Variants in MFGE8 observed in about 807,000 individuals in gnomAD.
The protein encoded by MFGE8 is lactadherin.
A neutral mutation model predicts 42.6 loss-of-function variants in MFGE8; 34 were observed. That is an observed-to-expected ratio of 0.80 (90% CI 0.61 to 1.06). The LOEUF is 1.06. Among genes scored for constraint, MFGE8 ranks in the 50% least tolerant of loss-of-function variants. The pLI, the probability that MFGE8 is intolerant of heterozygous loss-of-function variation, is 0.00. For missense variants in MFGE8, 510 were observed against 516.9 expected, an observed-to-expected ratio of 0.99 and a Z score of 0.13; for synonymous variants, 230 against 214.8, an observed-to-expected ratio of 1.07 and a Z score of -0.62.
chr15:88,913,182 C>T (rs1297316286), intron 1 of MFGE8, 65 bp downstream of exon 1: 4 of 1,472,210 alleles, frequency 2.7e-6, no homozygotes, highest in Non-Finnish European at 2.7e-6. Context: ...GGGCGGGCGC[C>T]GGGCAAACTT....
chr15:88,910,027 C>T (rs1898886259), intron 1 of MFGE8, 104 bp from the exon 2 acceptor site: 1 of 1,434,858 alleles, frequency 7.0e-7, no homozygotes, highest in Non-Finnish European at 9.8e-7. Context: ...TCCACTCAAA[C>T]TCGCCCATTA....
chr15:88,908,061 C>T (rs936035970), intron 2 of MFGE8, among the ~76,000 whole-genome samples: 3 of 152,170 alleles, frequency 2.0e-5, no homozygotes, highest in Non-Finnish European at 2.9e-5. Context: ...TGGGCCCTCA[C>T]CCAGCCATCT....
Position 88,907,321 on chromosome 15 carries a change from G to A in MFGE8, c.261C>T (p.Ala87=), listed in dbSNP as rs777632087. The A allele has an allele frequency of 2.8e-5, 46 of 1,614,060 alleles. No homozygotes were observed. The highest frequency in any genetic ancestry group is 2.5e-4 in the East Asian group (11 of 44,884). Residue 87 remains alanine, a synonymous_variant, in exon 3 of 8, where the codon GCC becomes GCT. Transcript: ENST00000268150. ...ENGNIANSQI[A]ASSVRVTFLG... ...AGAAGGTCACACGCACAGACGAGGC[G>A]GCGATCTGTGAGTTGGCAATGTTCC...
Position 88,909,661 on chromosome 15 carries a change from G to T in MFGE8, c.205+131C>A, listed in dbSNP as rs1037259343. 86 of 1,331,392 alleles carry T rather than the reference G, an allele frequency of 6.5e-5. No individual in the cohort carries two copies. In the South Asian group the frequency reaches 9.9e-4, roughly 15 times the overall value. 82.5% of individuals were successfully genotyped at this position (1,331,392 alleles called of 1,614,324 possible). ...GTCTCTCTCTCTGAGTCTCCCCAGA[G>T]GAGGCCTTGACACCTCCACTGGGGT... On this transcript the variant is annotated intron_variant, in intron 2 of 7. Coordinates refer to ENST00000268150, the MANE Select transcript of MFGE8 (RefSeq NM_005928.4).
intron 1 of MFGE8, chr15:88,912,076 A>C: frequency 1.6e-6 from 2 of 1,277,890 alleles, no homozygotes; most frequent in South Asian, 2.5e-5. Flanking sequence ...AAAACGGTCC[A>C]GTGGGAAAAA....
intron 2 of MFGE8, among the ~76,000 whole-genome samples, chr15:88,909,497 G>A (rs539564875): frequency 3.9e-4 from 60 of 152,328 alleles, no homozygotes; most frequent in African/African-American, 1.2e-3. Context: ...CAGCACTCCC[G>A]TGACCTCCAG....
rs1311084408 is a variant in MFGE8 at position 88,912,245 on chromosome 15, G to A, written c.73+1002C>T. On this transcript the variant is annotated intron_variant, in intron 1 of 7. Transcript: ENST00000268150. ...GGGACTTTCCAGTAACATTTGGCCAGAGTTCAGGTTGGGGGGTACAGGGAA... is the reference window on the plus strand; with the variant it reads ...GGGACTTTCCAGTAACATTTGGCCAAAGTTCAGGTTGGGGGGTACAGGGAA... The A allele has an allele frequency of 3.1e-6, 4 of 1,289,640 alleles. No individual in the cohort carries two copies. In the African/African-American group the frequency reaches 6.1e-5, roughly 20 times the overall value. 79.9% of individuals were successfully genotyped at this position (1,289,640 alleles called of 1,614,324 possible). A position where few individuals can be genotyped will look rare whatever the true frequency, so the allele number is the denominator to read the frequency against.
At chr15:88,900,733 G>A (rs934712256) in intron 6 of MFGE8, 2 of 985,410 alleles carry the variant, frequency 2.0e-6, no homozygotes, top group East Asian at 1.1e-4. Flanking sequence ...AACAAGCTCC[G>A]GTTTTCCATG....
chr15:88,913,066 G>T (rs1899041094), intron 1 of MFGE8, 181 bp downstream of exon 1: 4 of 985,222 alleles, frequency 4.1e-6, no homozygotes, highest in South Asian at 9.4e-5. Context: ...CGCAGAGACA[G>T]CAGGGCCGCA....
rs756349196 is a variant in MFGE8, at chr15:88,901,731, G to A, written c.690C>T (p.Cys230=). The stretch of plus-strand genomic sequence containing the variant: ...TATTCTTCAGGCCCAGGGGATTGGC[G>A]CATCCTGCCAGCAAGGTGGGCTGTC... ...FELLGCELNG[C]ANPLGLKNNS... is the part of the protein sequence containing the mutation. Residue 230 remains cysteine, a synonymous_variant, in exon 6 of 8, where the codon TGC becomes TGT. Transcript: ENST00000268150. 173 of 1,613,762 alleles carry A rather than the reference G, an allele frequency of 1.1e-4. No individual in the cohort carries two copies. The highest frequency in any genetic ancestry group is 1.4e-4 in the Non-Finnish European group (165 of 1,179,960).
intron 1 of MFGE8, 196 bp from the exon 2 acceptor site, chr15:88,910,119 C>T (rs1225053988): frequency 1.1e-5 from 7 of 635,074 alleles, no homozygotes; most frequent in Non-Finnish European, 1.9e-5. Flanking sequence ...GTAGGCGAAT[C>T]GGCCCACATA....
At chr15:88,901,973 C>G in intron 5 of MFGE8, 1 of 541,710 alleles carries the variant, frequency 1.8e-6, no homozygotes, top group Non-Finnish European at 3.4e-6. Flanking sequence ...CACCCAAGAC[C>G]TCCCACTCAC....
rs148783084 is a variant in MFGE8 at position 88,899,734 on chromosome 15, C to A, written c.948G>T (p.Val316=). The change falls in exon 7 of 8, where the codon GTG becomes GTT. Residue 316 remains valine, a synonymous_variant. Coordinates refer to ENST00000268150, the MANE Select transcript of MFGE8 (RefSeq NM_005928.4). This position sits in a 1 kb window ranked among gnomAD's most constrained non-coding sequence, Gnocchi z 6.8. ...TACTGTAGGCAACCTTGTAGGATGC[C>A]ACAAACTGGACAGAGCCAAAGTTAC... ...GARNFGSVQF[V]ASYKVAYSND... is the part of the protein sequence containing the mutation. 687 of 1,614,158 alleles carry A rather than the reference C, an allele frequency of 4.3e-4. 2 individuals carry two copies. The highest frequency in any genetic ancestry group is 5.4e-4 in the Non-Finnish European group (643 of 1,180,032).
chr15:88,913,044 CA>C, intron 1 of MFGE8: 1 of 985,316 alleles, frequency 1.0e-6, no homozygotes, highest in Non-Finnish European at 1.2e-6. Context: ...AGTCCCAGCC[CA>C]AAAGCCCCAG....
In MFGE8 at chr15:88,906,370, C is replaced by T. The variant is rs1165488001; in HGVS notation, c.540+256G>A. 1 of 514,836 alleles carries T rather than the reference C, an allele frequency of 1.9e-6. No homozygotes were observed. The highest frequency in any genetic ancestry group is 3.5e-6 in the Non-Finnish European group (1 of 282,182). 31.9% of individuals were successfully genotyped at this position (514,836 alleles called of 1,614,324 possible). ...TCAGAATGAAACCCAGCTCCACCAC[C>T]ACTATCACCCTCAACAGGTCACTGT... On this transcript the variant is annotated intron_variant, in intron 4 of 7. Transcript: ENST00000268150. This position sits in a 1 kb window ranked among gnomAD's most constrained non-coding sequence, Gnocchi z 4.2.
chr15:88,905,996 G>C lies in MFGE8; in HGVS notation c.541-95C>G, dbSNP rs1260888208. On this transcript the variant is annotated intron_variant, in intron 4 of 7. Coordinates refer to ENST00000268150, the MANE Select transcript of MFGE8 (RefSeq NM_005928.4). The surrounding 1 kb of genome is among the most constrained non-coding windows in gnomAD (Gnocchi z 6.6). ...TCTTCCTCTTCAGACCTGGGAGGCA[G>C]AGGTGGGGCTGGGAGGGTGAAGAGG... 1 of 1,489,058 alleles carries C rather than the reference G, an allele frequency of 6.7e-7. No individual in the cohort carries two copies. The highest frequency in any genetic ancestry group is 9.3e-7 in the Non-Finnish European group (1 of 1,070,124). 92.2% of individuals were successfully genotyped at this position (1,489,058 alleles called of 1,614,324 possible). A position where few individuals can be genotyped will look rare whatever the true frequency, so the allele number is the denominator to read the frequency against.
chr15:88,900,956 T>TACACATATAC (rs1306680259), intron 6 of MFGE8, among the ~76,000 whole-genome samples: 2 of 95,714 alleles, frequency 2.1e-5, no homozygotes, highest in Non-Finnish European at 5.1e-5. Flanking sequence ...TCCCCTTGTG[T>TACACATATAC]ACACACATAC....
At chr15:88,900,398 G>A (rs771920084) in intron 6 of MFGE8, among the ~76,000 whole-genome samples, 1 of 152,192 alleles carries the variant, frequency 6.6e-6, no homozygotes, top group Non-Finnish European at 1.5e-5. Context: ...ACTGCACTGT[G>A]ATGGGAAGAA....
rs766109765 is a variant in MFGE8, at chr15:88,909,851, A to T, written c.146T>A (p.Val49Asp). ...EEISQEVRGDVFPSYTCTCLK... is the reference protein window; with the variant it reads ...EEISQEVRGDDFPSYTCTCLK... ...GCACGTGCAGGTGTACGAGGGGAAG[A>T]CATCTCCTCGCACTTCTTGGGAAAT... The change falls in exon 2 of 8, where the codon GTC becomes GAC. Residue 49 changes from valine to aspartate, a missense_variant. Val to Asp is a radical substitution (Grantham distance 152). Coordinates refer to ENST00000268150, the MANE Select transcript of MFGE8 (RefSeq NM_005928.4). The T allele has an allele frequency of 4.8e-5, 77 of 1,614,086 alleles. No homozygotes were observed. In the East Asian group the frequency reaches 1.6e-3, roughly 34 times the overall value.
Sources: gnomAD v4.1 joint callset for allele counts (sites outside exome capture counted in the v4.1 genomes callset) on GRCh38, gnomAD v4.1.1 for gene constraint, Gnocchi (gnomAD v3.1) non-coding constraint, MANE v1.5 for transcripts, NCBI Gene and HGNC (gene_info 2026-07-23, HGNC 2026-07-21) for gene names.